RIMKLB: variants seen among roughly 807,000 people sequenced by gnomAD.
RIMKLB encodes ribosomal modification protein rimK like family member B, also known as beta-citrylglutamate synthase B.
Under a neutral mutation model 32.0 loss-of-function variants are expected in RIMKLB, and 7 were observed. The observed-to-expected ratio is 0.22, with a 90% CI of 0.12 to 0.41. The LOEUF (loss-of-function observed/expected upper bound fraction) is 0.41, where lower values mean the gene tolerates loss of function less well. Ranked by LOEUF, RIMKLB falls within the 10% of genes least tolerant of loss-of-function variation. The pLI is 1.00. For missense variants in RIMKLB, 289 were observed against 498.7 expected (o/e 0.58, Z 4.00); for synonymous variants, 172 against 185.1 (o/e 0.93, Z 0.57).
chr12:8,716,725 C>CTTTTTTT (rs71451981), intron 2 of RIMKLB, among the ~76,000 whole-genome samples: 497 of 95,124 alleles, frequency 5.2e-3, no homozygotes, highest in Non-Finnish European at 6.9e-3. Context: ...TCTTTTCCTT[C>CTTTTTTT]TTTTTTTTTT....
intron 2 of RIMKLB, among the ~76,000 whole-genome samples, chr12:8,739,093 G>T (rs1198530404): frequency 6.6e-6 from 1 of 152,160 alleles, no homozygotes; most frequent in Non-Finnish European, 1.5e-5. Context: ...TTAAATTGAT[G>T]ATCTTAGTTT....
upstream of RIMKLB, among the ~76,000 whole-genome samples, chr12:8,678,503 T>TCGGGG (rs1942358146): frequency 6.6e-6 from 1 of 151,918 alleles, no homozygotes; most frequent in South Asian, 2.1e-4. Flanking sequence ...GCTAATTTTG[T>TCGGGG]TTTTAATAGA....
chr12:8,764,392 TC>T, intron 5 of RIMKLB, among the ~76,000 whole-genome samples: 1 of 152,176 alleles, frequency 6.6e-6, no homozygotes, highest in East Asian at 1.9e-4. Flanking sequence ...AGAATGTCTC[TC>T]CCTAACAAGG....
Position 8,699,570 on chromosome 12 carries a change from A to G in RIMKLB, c.-57+1273A>G, listed in dbSNP as rs776469928. Among the ~76,000 whole-genome samples, 14 of 152,232 alleles carry G rather than the reference A, an allele frequency of 9.2e-5. No homozygotes were observed. In the East Asian group the frequency reaches 9.6e-4, roughly 10 times the overall value. On this transcript the variant is annotated intron_variant, in intron 1 of 5. Transcript: ENST00000535829. Reference sequence around the variant, plus strand: ...TAATCATAGTTAAATTTCTTTTCCAATGGTTACTGTTTTATTTGGTTAGTG... The same window carrying G: ...TAATCATAGTTAAATTTCTTTTCCAGTGGTTACTGTTTTATTTGGTTAGTG...
chr12:8,737,303 G>T (rs1947102144), intron 2 of RIMKLB, among the ~76,000 whole-genome samples: 1 of 147,488 alleles, frequency 6.8e-6, no homozygotes, highest in Non-Finnish European at 1.5e-5. Flanking sequence ...GAGTACAAGT[G>T]AGCTTTTCTG....
chr12:8,692,864 C>G (rs191751183), upstream of RIMKLB, among the ~76,000 whole-genome samples: 1 of 152,178 alleles, frequency 6.6e-6, no homozygotes. Flanking sequence ...CTGCAGCTGC[C>G]GCTACCGTTC....
chr12:8,737,993 T>C (rs966747292), intron 2 of RIMKLB, among the ~76,000 whole-genome samples: 1 of 152,150 alleles, frequency 6.6e-6, no homozygotes, highest in African/African-American at 2.4e-5. Context: ...GGATTACAGG[T>C]GTGAGCCACT....
upstream of RIMKLB, chr12:8,697,369 G>C (rs926831196): frequency 6.6e-6 from 1 of 152,556 alleles, no homozygotes; most frequent in Non-Finnish European, 1.5e-5. Flanking sequence ...TTTGCCTACC[G>C]GAGGGAGGAA....
chr12:8,718,355 T>C lies in RIMKLB; in HGVS notation c.175+4314T>C, dbSNP rs185611700. Among the ~76,000 whole-genome samples, 258 of 152,174 alleles carry C rather than the reference T, an allele frequency of 1.7e-3. 1 individual carries two copies. Among genetic ancestry groups the C allele is most frequent in the Admixed American group, 6.1e-3 (93 of 15,278 alleles). ...AGGTTTGTCGACCTCTTTTTAAAAA[T>C]ATAACTGCGGCTGGGCACAGTGGCT... On this transcript the variant is annotated intron_variant, in intron 2 of 5. Transcript: ENST00000535829.
chr12:8,669,840 A>G, the RIMKLB span, among the ~76,000 whole-genome samples: 2 of 151,796 alleles, frequency 1.3e-5, no homozygotes, highest in Non-Finnish European at 2.9e-5. Context: ...ATCCTGGCTA[A>G]CACAGTGAAA....
chr12:8,742,038 T>C lies in RIMKLB; in HGVS notation c.176-7824T>C, dbSNP rs777087108. Among the ~76,000 whole-genome samples, 20 of 151,498 alleles carry C rather than the reference T, an allele frequency of 1.3e-4. No individual in the cohort carries two copies. The South Asian group carries it at 4.2e-3, about 32-fold the overall frequency. ...GCCTCAGCTTCCCAAGTAGCTGGGATTACAGGCATGCGCCACCATGCCCAC... is the reference window on the plus strand; with the variant it reads ...GCCTCAGCTTCCCAAGTAGCTGGGACTACAGGCATGCGCCACCATGCCCAC... On this transcript the variant is annotated intron_variant, in intron 2 of 5. Coordinates refer to ENST00000535829, the MANE Select transcript of RIMKLB (RefSeq NM_001297776.2).
rs184997615 is a variant in RIMKLB, at chr12:8,732,760, C to T, written c.176-17102C>T. On this transcript the variant is annotated intron_variant, in intron 2 of 5. Coordinates refer to ENST00000535829, the MANE Select transcript of RIMKLB (RefSeq NM_001297776.2). ...CAACAGAAAATTATATATATATACACACACACACACACACACACACACTCT... is the reference window on the plus strand; with the variant it reads ...CAACAGAAAATTATATATATATACATACACACACACACACACACACACTCT... Among the ~76,000 whole-genome samples the T allele has an allele frequency of 4.9e-3, 732 of 148,524 alleles. 4 individuals carry two copies. The highest frequency in any genetic ancestry group is 0.01 in the Middle Eastern group (3 of 290).
chr12:8,680,169 T>A (rs75129236), upstream of RIMKLB, among the ~76,000 whole-genome samples: 2,473 of 152,322 alleles, frequency 0.016, 67 homozygotes, highest in African/African-American at 0.055. Flanking sequence ...GCCTTATTTT[T>A]TTTTTTGAGA....
chr12:8,777,445 G>A, downstream of RIMKLB: 1 of 1,111,534 alleles, frequency 9.0e-7, no homozygotes, highest in South Asian at 2.2e-5. Flanking sequence ...TTGCCATGCT[G>A]TTTTGGGGTG....
chr12:8,741,496 T>TG (rs1036876571), intron 2 of RIMKLB, among the ~76,000 whole-genome samples: 2 of 151,622 alleles, frequency 1.3e-5, no homozygotes, highest in Non-Finnish European at 2.9e-5. Context: ...AACTAACTGT[T>TG]GGGGCTGGGT....
At position 8,717,070 on chromosome 12, in the gene RIMKLB, C is replaced by CTTT. The variant is rs1196151503; in HGVS notation, c.175+3038_175+3040dup. ...AGGAGGGTTTTTCTTTTTTTTTTTT[C>CTTT]TTTTTTTTTTTACATTTTTTATGTA... On this transcript the variant is annotated intron_variant, in intron 2 of 5. Coordinates refer to ENST00000535829, the MANE Select transcript of RIMKLB (RefSeq NM_001297776.2). 1.3e-3 allele frequency among the ~76,000 whole-genome samples: 149 copies of CTTT among 113,952 alleles called. 1 individual carries two copies. The highest frequency in any genetic ancestry group is 2.1e-3 in the Non-Finnish European group (109 of 52,634). The allele number at this position is 113,952 out of a possible 152,430, so 74.8% of individuals were successfully genotyped here. A position where few individuals can be genotyped will look rare whatever the true frequency, so the allele number is the denominator to read the frequency against.
intron 5 of RIMKLB, among the ~76,000 whole-genome samples, chr12:8,761,439 A>T (rs1478700640): frequency 6.6e-6 from 1 of 152,070 alleles, no homozygotes; most frequent in Non-Finnish European, 1.5e-5. Context: ...ATAGAGCGAA[A>T]ACAGAGCTCC....
chr12:8,742,640 A>G, intron 2 of RIMKLB: 1 of 262,316 alleles, frequency 3.8e-6, no homozygotes. Context: ...TGCCATTGAA[A>G]ACTGTATTGA....
upstream of RIMKLB, among the ~76,000 whole-genome samples, chr12:8,681,251 C>T: frequency 6.6e-6 from 1 of 152,124 alleles, no homozygotes; most frequent in Non-Finnish European, 1.5e-5. Context: ...AGACATGAGC[C>T]ACTGTGTCTG....
Sources: allele counts gnomAD v4.1 joint callset (sites outside exome capture counted in the v4.1 genomes callset), GRCh38; gene constraint gnomAD v4.1.1; transcripts MANE v1.5; gene names NCBI Gene and HGNC (gene_info 2026-07-23, HGNC 2026-07-21).